Variants in NCOR2 observed in about 807,000 individuals in gnomAD.
NCOR2 encodes the protein CTG repeat protein 26.
A neutral mutation model predicts 262.9 loss-of-function variants in NCOR2; 81 were observed. The ratio of observed to expected loss-of-function variants is 0.31; its 90% CI spans 0.26 to 0.37. The LOEUF is 0.37. Ranked by LOEUF, NCOR2 falls within the 10% of genes least tolerant of loss-of-function variation. The pLI, the probability that NCOR2 is intolerant of heterozygous loss-of-function variation, is 1.00. For missense variants in NCOR2, 3,385 were observed against 3,621.4 expected (o/e 0.93, Z 1.68); for synonymous variants, 1,659 against 1,559.3 (o/e 1.06, Z -1.51).
chr12:124,530,309 T>G (rs2050713224), intron 1 of NCOR2: 1 of 150,998 alleles, frequency 6.6e-6, no homozygotes, highest in East Asian at 1.9e-4. Context: ...AGGTGGGTGC[T>G]AGAGATTTAG....
upstream of NCOR2, chr12:124,539,140 GCC>G (rs1020526700): frequency 3.9e-5 from 6 of 152,262 alleles, no homozygotes; most frequent in Non-Finnish European, 1.5e-5. The surrounding 1 kb of genome is among the most constrained non-coding windows in gnomAD (Gnocchi z 5.1). Context: ...CGGCAGAGCC[GCC>G]CCCGTCAGGG....
intron 1 of NCOR2, among the ~76,000 whole-genome samples, chr12:124,502,091 T>C (rs889999200): frequency 6.6e-6 from 1 of 152,182 alleles, no homozygotes; most frequent in Admixed American, 6.5e-5. Flanking sequence ...GCAGGACTCC[T>C]GGCGCAGAAC....
chr12:124,527,191 GACAA>G (rs1316872560), intron 1 of NCOR2, among the ~76,000 whole-genome samples: 1 of 152,178 alleles, frequency 6.6e-6, no homozygotes, highest in Non-Finnish European at 1.5e-5. Flanking sequence ...AAGGGTAGAT[GACAA>G]ACACGGCGCC....
intron 1 of NCOR2, among the ~76,000 whole-genome samples, chr12:124,558,682 A>C (rs1473095660): frequency 6.6e-6 from 1 of 152,120 alleles, no homozygotes; most frequent in East Asian, 1.9e-4. Flanking sequence ...TCCCTGAGCA[A>C]TGGCAAGGAG....
chr12:124,511,531 G>A (rs924354836), intron 1 of NCOR2, among the ~76,000 whole-genome samples: 1 of 152,194 alleles, frequency 6.6e-6, no homozygotes, highest in South Asian at 2.1e-4. Context: ...CGGGGCCTGG[G>A]GCAAAGCCGG....
intron 22 of NCOR2, 125 bp downstream of exon 24, chr12:124,362,001 G>T: frequency 1.1e-6 from 1 of 894,850 alleles, no homozygotes; most frequent in Non-Finnish European, 1.5e-6. Flanking sequence ...TGTTCCATTC[G>T]TTTACTTTGC....
intron 28 of NCOR2, chr12:124,348,567 C>A (rs545524224): frequency 1.9e-6 from 1 of 526,998 alleles, no homozygotes. Context: ...GCACCCTGTA[C>A]CCTAGCCCTC....
chr12:124,341,262 C>T (rs2036434283), intron 34 of NCOR2, among the ~76,000 whole-genome samples: 1 of 150,288 alleles, frequency 6.7e-6, no homozygotes, highest in African/African-American at 2.5e-5. Context: ...TTTTTCGAGA[C>T]ACAGTCTTGC....
intron 29 of NCOR2, 131 bp downstream of exon 31, chr12:124,348,043 G>A: frequency 6.8e-7 from 1 of 1,480,918 alleles, no homozygotes; most frequent in South Asian, 1.2e-5. Flanking sequence ...GCACGGGAAG[G>A]TCCCTGCGCT....
exon 32 of NCOR2, chr12:124,344,938 T>G: frequency 6.5e-7 from 1 of 1,549,250 alleles, no homozygotes; most frequent in South Asian, 1.2e-5. Context: ...GGTGTCGTAC[T>G]TGAGCGGGGT....
intron 33 of NCOR2, among the ~76,000 whole-genome samples, chr12:124,342,658 G>A (rs898645649): frequency 1.3e-5 from 2 of 152,168 alleles, no homozygotes; most frequent in Non-Finnish European, 2.9e-5. Context: ...GTGAGCCACC[G>A]TGCCCGGCAA....
At chr12:124,390,138 C>T (rs1049467747) in intron 16 of NCOR2, among the ~76,000 whole-genome samples, 1 of 152,222 alleles carries the variant, frequency 6.6e-6, no homozygotes, top group African/African-American at 2.4e-5. Flanking sequence ...GGCCTCTCCA[C>T]CTGAGTCCTG....
chr12:124,556,710 A>C (rs2051893388), intron 1 of NCOR2, among the ~76,000 whole-genome samples: 1 of 152,136 alleles, frequency 6.6e-6, no homozygotes, highest in Non-Finnish European at 1.5e-5. Flanking sequence ...AAATACAAAA[A>C]TTAGCCATGT....
chr12:124,341,598 C>A (rs1311642251), intron 34 of NCOR2, among the ~76,000 whole-genome samples: 1 of 152,194 alleles, frequency 6.6e-6, no homozygotes, highest in Non-Finnish European at 1.5e-5. Context: ...GATGCACGCA[C>A]ACCCACTGAG....
exon 14 of NCOR2, chr12:124,402,463 C>A: frequency 6.2e-7 from 1 of 1,613,426 alleles, no homozygotes; most frequent in Non-Finnish European, 8.5e-7. Flanking sequence ...TCTCCGCCTC[C>A]TTTTCCTTCT....
rs1383412216 is a variant in NCOR2, at chr12:124,549,102, AG to A, written c.-164-13492del. ...CCAAGTCTATGGGGTAAATATTGTC[AG>A]GGTGGTTGGGATGCAGTGTGGCGCT... On this transcript the variant is annotated intron_variant, in intron 1 of 32. Coordinates refer to the NCOR2 transcript ENST00000458234. The surrounding 1 kb of genome is among the most constrained non-coding windows in gnomAD (Gnocchi z 4.4). Among the ~76,000 whole-genome samples the A allele has an allele frequency of 6.6e-6, 1 of 152,022 alleles. No homozygotes were observed. Among genetic ancestry groups the A allele is most frequent in the Non-Finnish European group, 1.5e-5 (1 of 68,014 alleles).
chr12:124,449,072 C>T (rs2045365157), intron 7 of NCOR2, among the ~76,000 whole-genome samples: 2 of 152,130 alleles, frequency 1.3e-5, no homozygotes, highest in Admixed American at 1.3e-4. Flanking sequence ...GATAACATGC[C>T]CTCCTCGGCC....
intron 1 of NCOR2, among the ~76,000 whole-genome samples, chr12:124,551,126 A>C (rs146596867): frequency 3.3e-5 from 5 of 152,200 alleles, no homozygotes; most frequent in African/African-American, 7.2e-5. Context: ...TTCTCAAAAC[A>C]ACCCTAGAAG....
At chr12:124,509,125 C>T (rs938255304) in intron 1 of NCOR2, among the ~76,000 whole-genome samples, 4 of 151,792 alleles carry the variant, frequency 2.6e-5, no homozygotes, top group Non-Finnish European at 4.4e-5. Flanking sequence ...GGCCCCACTC[C>T]GTGCATGCCA....
Sources: gnomAD v4.1 joint callset for allele counts (sites outside exome capture counted in the v4.1 genomes callset) on GRCh38, gnomAD v4.1.1 for gene constraint, Gnocchi (gnomAD v3.1) non-coding constraint, MANE v1.5 for transcripts, NCBI Gene and HGNC (gene_info 2026-07-23, HGNC 2026-07-21) for gene names.